Variants in TENM3 observed in about 807,000 individuals in gnomAD.
The protein encoded by TENM3 is teneurin transmembrane protein 3, also known as teneurin-3.
A neutral mutation model predicts 255.1 loss-of-function variants in TENM3; 63 were observed. The ratio of observed to expected loss-of-function variants is 0.25; its 90% CI spans 0.20 to 0.30. The LOEUF is 0.30. TENM3 is among the 10% of genes least tolerant of loss of function. The pLI, the probability that TENM3 is intolerant of heterozygous loss-of-function variation, is 1.00. For missense variants in TENM3, 2,929 were observed against 3,461.1 expected, an observed-to-expected ratio of 0.85 and a Z score of 3.86; for synonymous variants, 1,306 against 1,322.3, an observed-to-expected ratio of 0.99 and a Z score of 0.27.
chr4:181,919,374 G>GCT, the TENM3 span, among the ~76,000 whole-genome samples: 1 of 146,746 alleles, frequency 6.8e-6, no homozygotes, highest in Non-Finnish European at 1.5e-5. Context: ...AAGCAAAGCA[G>GCT]GTGTGTGTGT....
chr4:181,824,403 C>G, the TENM3 span, among the ~76,000 whole-genome samples: 1 of 152,034 alleles, frequency 6.6e-6, no homozygotes, highest in Non-Finnish European at 1.5e-5. Context: ...ACCCGACCAA[C>G]ATAATCTATT....
At chr4:181,723,990 G>A in the TENM3 span, among the ~76,000 whole-genome samples, 1 of 152,208 alleles carries the variant, frequency 6.6e-6, no homozygotes, top group Non-Finnish European at 1.5e-5. Context: ...AGGATAACGA[G>A]CAATCTCTTT....
At chr4:182,593,534 C>G (rs756984372) in intron 3 of TENM3, among the ~76,000 whole-genome samples, 2 of 152,152 alleles carry the variant, frequency 1.3e-5, no homozygotes, top group Non-Finnish European at 2.9e-5. Context: ...GCTTCTATCT[C>G]CCTTCCAGAT....
the TENM3 span, among the ~76,000 whole-genome samples, chr4:181,592,302 G>T: frequency 1.8e-5 from 2 of 108,934 alleles, no homozygotes; most frequent in Non-Finnish European, 4.0e-5. Context: ...CCTTCTATCT[G>T]CTCCTCCTCA....
intron 13 of TENM3, among the ~76,000 whole-genome samples, chr4:182,728,259 G>A (rs945551609): frequency 2.0e-5 from 3 of 152,158 alleles, no homozygotes; most frequent in Non-Finnish European, 4.4e-5. Context: ...AAATTTTAGA[G>A]CTTCGTCCTA....
At chr4:181,850,525 T>C in the TENM3 span, among the ~76,000 whole-genome samples, 5 of 152,184 alleles carry the variant, frequency 3.3e-5, no homozygotes, top group Non-Finnish European at 7.4e-5. Flanking sequence ...CATATTTCTA[T>C]AGTACAGTAG....
At chr4:181,520,784 T>C in the TENM3 span, among the ~76,000 whole-genome samples, 2 of 152,182 alleles carry the variant, frequency 1.3e-5, no homozygotes, top group African/African-American at 4.8e-5. Context: ...CAGGCTTTGG[T>C]GTAGACTCTT....
the TENM3 span, among the ~76,000 whole-genome samples, chr4:181,593,207 T>C: frequency 1.3e-5 from 2 of 152,226 alleles, no homozygotes; most frequent in East Asian, 3.9e-4. Flanking sequence ...AAAGCTTATT[T>C]TGTTTTAGTT....
At chr4:182,151,658 TAGG>T (rs1206029654) in intron 1 of TENM3, among the ~76,000 whole-genome samples, 1 of 151,886 alleles carries the variant, frequency 6.6e-6, no homozygotes, top group Non-Finnish European at 1.5e-5. Flanking sequence ...TTTTTTCTCT[TAGG>T]AGCAAAAAAA....
intron 2 of TENM3, 39 bp from the exon 3 acceptor site, chr4:182,346,612 T>G: frequency 3.3e-6 from 5 of 1,533,224 alleles, no homozygotes; most frequent in Non-Finnish European, 4.5e-6. Context: ...ACACTGAACA[T>G]ATACTCACTA....
At chr4:181,579,917 TAGG>T in the TENM3 span, among the ~76,000 whole-genome samples, 1 of 151,742 alleles carries the variant, frequency 6.6e-6, no homozygotes, top group Non-Finnish European at 1.5e-5. Flanking sequence ...TATGGTTCTC[TAGG>T]AGAAGTACCT....
the TENM3 span, among the ~76,000 whole-genome samples, chr4:182,110,589 G>A: frequency 6.6e-6 from 1 of 152,104 alleles, no homozygotes; most frequent in Non-Finnish European, 1.5e-5. Context: ...GCCTCCCAAA[G>A]TGCTGGGATT....
chr4:182,396,855 G>A (rs1768857549), intron 3 of TENM3, among the ~76,000 whole-genome samples: 1 of 152,072 alleles, frequency 6.6e-6, no homozygotes, highest in Admixed American at 6.5e-5. Flanking sequence ...CCAGCTACTT[G>A]GGAGGCTGAG....
At chr4:182,499,413 GAGA>G (rs1273123045) in intron 3 of TENM3, among the ~76,000 whole-genome samples, 6 of 152,188 alleles carry the variant, frequency 3.9e-5, no homozygotes, top group Non-Finnish European at 8.8e-5. Flanking sequence ...ACACAGAACT[GAGA>G]AGGAGACTGT....
chr4:181,474,955 A>T, the TENM3 span, among the ~76,000 whole-genome samples: 1 of 152,184 alleles, frequency 6.6e-6, no homozygotes, highest in Non-Finnish European at 1.5e-5. Context: ...AAGCGTATGA[A>T]AAACACTAAT....
intron 3 of TENM3, among the ~76,000 whole-genome samples, chr4:182,459,739 A>T (rs1774185380): frequency 6.6e-6 from 1 of 152,270 alleles, no homozygotes; most frequent in Non-Finnish European, 1.5e-5. Context: ...ATCAGTATAA[A>T]CACCCGATTT....
chr4:181,474,949 G>T, the TENM3 span, among the ~76,000 whole-genome samples: 2 of 152,026 alleles, frequency 1.3e-5, no homozygotes, highest in Admixed American at 6.6e-5. Flanking sequence ...GACTCTAAGC[G>T]TATGAAAAAC....
At chr4:182,469,353 G>T (rs1229658610) in intron 3 of TENM3, among the ~76,000 whole-genome samples, 1 of 152,098 alleles carries the variant, frequency 6.6e-6, no homozygotes, top group Admixed American at 6.5e-5. Flanking sequence ...AAGTTCAGAA[G>T]AGTTATTTGT....
intron 1 of TENM3, among the ~76,000 whole-genome samples, chr4:182,222,373 C>T (rs1755896639): frequency 6.6e-6 from 1 of 152,236 alleles, no homozygotes; most frequent in Non-Finnish European, 1.5e-5. Context: ...CGCTTAACTC[C>T]TTCCTGCTCA....
Sources: gnomAD v4.1 joint callset for allele counts (sites outside exome capture counted in the v4.1 genomes callset) on GRCh38, gnomAD v4.1.1 for gene constraint, MANE v1.5 for transcripts, NCBI Gene and HGNC (gene_info 2026-07-23, HGNC 2026-07-21) for gene names.